TRPM6: variants seen among roughly 807,000 people sequenced by gnomAD.
TRPM6 encodes channel kinase 2.
TRPM6 carries 111 observed loss-of-function variants against 247.6 expected under a neutral mutation model. The ratio of observed to expected loss-of-function variants is 0.45; its 90% CI spans 0.38 to 0.52. The LOEUF (loss-of-function observed/expected upper bound fraction) is 0.52, where lower values mean the gene tolerates loss of function less well. Ranked by LOEUF, TRPM6 falls within the 20% of genes least tolerant of loss-of-function variation. The pLI, the probability that TRPM6 is intolerant of heterozygous loss-of-function variation, is 0.00. For synonymous variants in TRPM6, 892 were observed against 853.8 expected (o/e 1.04, Z -0.78); for missense variants, 2,126 against 2,421.5 (o/e 0.88, Z 2.56).
intron 19 of TRPM6, among the ~76,000 whole-genome samples, chr9:74,790,735 T>C (rs1271814380): frequency 6.6e-6 from 1 of 152,218 alleles, no homozygotes; most frequent in African/African-American, 2.4e-5. Context: ...TCTTTCTATA[T>C]AGTGTACAAC....
intron 1 of TRPM6, among the ~76,000 whole-genome samples, chr9:74,863,812 T>A (rs1387946964): frequency 6.6e-6 from 1 of 151,766 alleles, no homozygotes; most frequent in Non-Finnish European, 1.5e-5. Flanking sequence ...GGTCTCGAAC[T>A]CCTGACCTTG....
chr9:74,833,969 C>T (rs200773243), intron 6 of TRPM6, 29 bp downstream of exon 6: 2 of 1,613,158 alleles, frequency 1.2e-6, no homozygotes, highest in East Asian at 4.5e-5. Context: ...TGTTCGTTTG[C>T]TTTTGTTATG....
intron 14 of TRPM6, among the ~76,000 whole-genome samples, chr9:74,804,165 C>A (rs1828449021): frequency 6.6e-6 from 1 of 152,136 alleles, no homozygotes; most frequent in South Asian, 2.1e-4. Context: ...TATCTGCATA[C>A]CTTCACTACG....
chr9:74,788,843 T>C (rs1478873931), intron 19 of TRPM6, 101 bp from the exon 20 acceptor site: 32 of 1,418,532 alleles, frequency 2.3e-5, no homozygotes, highest in Non-Finnish European at 2.9e-5. Context: ...AACTTCAACA[T>C]GATAACACGA....
Position 74,762,058 on chromosome 9 carries a change from C to G in TRPM6, c.4613G>C (p.Arg1538Thr). ...NPLRRYRPFA[R>T]SHSFRFHKEE... ...CTTATGGAATCTAAAACTATGACTC[C>G]TAGCGAAGGGCCTGTATCTGCGGAG... The change falls in exon 26 of 39, where the codon AGG becomes ACG. Residue 1538 changes from arginine (R) to threonine (T), a missense_variant. Physicochemically the swap from Arg to Thr is moderately conservative, Grantham distance 71 (BLOSUM62 -1). Transcript: ENST00000360774. The G allele has an allele frequency of 6.2e-7, 1 of 1,614,202 alleles. No homozygotes were observed. Among genetic ancestry groups the G allele is most frequent in the African/African-American group, 1.3e-5 (1 of 75,042 alleles).
At chr9:74,735,252 A>G (rs1242656377) in intron 36 of TRPM6, among the ~76,000 whole-genome samples, 1 of 151,792 alleles carries the variant, frequency 6.6e-6, no homozygotes, top group Non-Finnish European at 1.5e-5. Context: ...GAAGAATTGG[A>G]GAGGAGAGGA....
chr9:74,836,024 T>C (rs1829709538), intron 5 of TRPM6, among the ~76,000 whole-genome samples: 1 of 152,200 alleles, frequency 6.6e-6, no homozygotes, highest in African/African-American at 2.4e-5. Flanking sequence ...GGGTTCACTC[T>C]TGCTGCTGTA....
At chr9:74,836,331 A>G (rs989716574) in intron 5 of TRPM6, among the ~76,000 whole-genome samples, 5 of 152,180 alleles carry the variant, frequency 3.3e-5, no homozygotes, top group Admixed American at 3.3e-4. Context: ...TATATGTGTC[A>G]TTAGCACAGA....
In TRPM6 at chr9:74,858,762, G is replaced by T. The variant is rs1360593619; in HGVS notation, c.34-14C>A. The T allele has an allele frequency of 1.9e-6, 3 of 1,594,570 alleles. No individual in the cohort carries two copies. The highest frequency in any genetic ancestry group is 2.2e-5 in the East Asian group (1 of 44,662). The stretch of plus-strand genomic sequence containing the variant: ...GGATTTCTGGGACTAAAAAGAAAGT[G>T]TCATTATTTTATACTCTAATTATGT... On this transcript the variant is annotated splice_polypyrimidine_tract_variant and intron_variant, in intron 1 of 38. Transcript: ENST00000360774.
At chr9:74,882,595 A>G (rs1831397443) in intron 1 of TRPM6, among the ~76,000 whole-genome samples, 1 of 152,366 alleles carries the variant, frequency 6.6e-6, no homozygotes, top group East Asian at 1.9e-4. Flanking sequence ...GTTATCATAA[A>G]GAAGACAAAA....
intron 23 of TRPM6, 134 bp downstream of exon 23, chr9:74,782,228 T>A: frequency 1.5e-6 from 1 of 660,718 alleles, no homozygotes; most frequent in Non-Finnish European, 2.6e-6. Context: ...TTTATGTGCA[T>A]ATTTCAAAAC....
intron 14 of TRPM6, among the ~76,000 whole-genome samples, chr9:74,805,518 G>A (rs1207092938): frequency 6.6e-6 from 1 of 152,174 alleles, no homozygotes; most frequent in Non-Finnish European, 1.5e-5. Flanking sequence ...AAATGAGGAG[G>A]CCATAGAACT....
At chr9:74,749,779 T>C (rs758175236) in intron 30 of TRPM6, among the ~76,000 whole-genome samples, 9 of 152,204 alleles carry the variant, frequency 5.9e-5, no homozygotes, top group Non-Finnish European at 1.3e-4. Context: ...CACAAACTAC[T>C]GAACCTTTGG....
At chr9:74,883,306 C>A (rs959499792) in intron 1 of TRPM6, among the ~76,000 whole-genome samples, 1 of 152,026 alleles carries the variant, frequency 6.6e-6, no homozygotes, top group Non-Finnish European at 1.5e-5. Context: ...TCTGGTGGCA[C>A]AACAGGTATT....
In TRPM6 at chr9:74,820,322, A is replaced by G; in HGVS notation, c.1116T>C (p.Cys372=). 6.2e-7 allele frequency: 1 copy of G among 1,614,106 alleles called. No individual in the cohort carries two copies. Among genetic ancestry groups the G allele is most frequent in the East Asian group, 2.2e-5 (1 of 44,882 alleles). The part of the protein sequence containing the change: ...SKHLFQILME[C]MVHRDCITIF... The stretch of plus-strand genomic sequence containing the variant: ...TACTCACACAATCCCTGTGAACCAT[A>G]CACTCCATTAGAATTTGGAAAAGGT... The change falls in exon 9 of 39, where the codon TGT becomes TGC. Residue 372 remains cysteine (C), a synonymous_variant. Transcript: ENST00000360774.
rs1189538816 is a variant in TRPM6 at position 74,728,151 on chromosome 9, A to G, written c.5935+88T>C. 4.7e-6 allele frequency: 5 copies of G among 1,054,318 alleles called. No homozygotes were observed. The East Asian group carries it at 1.2e-4, about 26-fold the overall frequency. The allele number at this position is 1,054,318 out of a possible 1,614,324, so 65.3% of individuals were successfully genotyped here. On this transcript the variant is annotated intron_variant, in intron 38 of 38. Coordinates refer to ENST00000360774, the MANE Select transcript of TRPM6 (RefSeq NM_017662.5). ...TGACGGTGAATGAGATAAAAATGTG[A>G]TTACGATTTTCTACTTTATCCCAGG...
intron 32 of TRPM6, 68 bp from the exon 33 acceptor site, chr9:74,742,694 A>G (rs1825902833): frequency 2.3e-6 from 3 of 1,294,088 alleles, no homozygotes; most frequent in African/African-American, 2.9e-5. Context: ...AAGCCTCTCC[A>G]CATCAATATA....
At chr9:74,798,502 C>A (rs1375693129) in intron 17 of TRPM6, among the ~76,000 whole-genome samples, 1 of 152,146 alleles carries the variant, frequency 6.6e-6, no homozygotes, top group Non-Finnish European at 1.5e-5. Flanking sequence ...GAAGAGGCCC[C>A]ACATTCTATT....
chr9:74,882,189 A>C (rs1831385489), intron 1 of TRPM6, among the ~76,000 whole-genome samples: 1 of 152,036 alleles, frequency 6.6e-6, no homozygotes, highest in African/African-American at 2.4e-5. Flanking sequence ...CAAAAACAAA[A>C]GTACACAACT....
Sources: allele counts gnomAD v4.1 joint callset (sites outside exome capture counted in the v4.1 genomes callset), GRCh38; gene constraint gnomAD v4.1.1; transcripts MANE v1.5; gene names NCBI Gene and HGNC (gene_info 2026-07-23, HGNC 2026-07-21).